The following UBE2L6 variants were observed in gnomAD, a reference collection of about 807,000 sequenced individuals.
UBE2L6 encodes ubiquitin conjugating enzyme E2 L6, also known as ubiquitin/ISG15-conjugating enzyme E2 L6.
UBE2L6 carries 11 observed loss-of-function variants against 13.6 expected under a neutral mutation model. That is an observed-to-expected ratio of 0.81 (90% confidence interval 0.51 to 1.34). UBE2L6 has a LOEUF of 1.34. Ranked by LOEUF, UBE2L6 falls within the 40% of genes most tolerant of loss-of-function variation. UBE2L6 has a pLI of 0.00. For synonymous variants in UBE2L6, 74 were observed against 83.2 expected, an observed-to-expected ratio of 0.89 and a Z score of 0.60; for missense variants, 197 against 199.5, an observed-to-expected ratio of 0.99 and a Z score of 0.07.
chr11:57,559,133 G>A (rs1015510326), intron 2 of UBE2L6, among the ~76,000 whole-genome samples: 25 of 152,076 alleles, frequency 1.6e-4, no homozygotes, highest in East Asian at 1.9e-4. Flanking sequence ...ATCTTCTCCC[G>A]GCACCTGAGG....
intron 2 of UBE2L6, among the ~76,000 whole-genome samples, chr11:57,559,629 A>G (rs918674652): frequency 1.3e-5 from 2 of 152,156 alleles, no homozygotes; most frequent in African/African-American, 4.8e-5. Flanking sequence ...AACAAGTCCA[A>G]ATCCTAAATG....
chr11:57,556,592 C>CAAAAAAAAA (rs368936864), intron 2 of UBE2L6, among the ~76,000 whole-genome samples: 3 of 73,718 alleles, frequency 4.1e-5, no homozygotes, highest in Non-Finnish European at 4.9e-5. Context: ...AACTCCGTCT[C>CAAAAAAAAA]AAAAAAAAAA....
chr11:57,556,614 A>AG (rs1944999655), intron 2 of UBE2L6, among the ~76,000 whole-genome samples: 1 of 145,796 alleles, frequency 6.9e-6, no homozygotes, highest in Non-Finnish European at 1.5e-5. Context: ...AAAAAAAAAA[A>AG]AGAGAGATGG....
At position 57,556,592 on chromosome 11, in the gene UBE2L6, CA is replaced by C. The variant is rs368936864; in HGVS notation, c.124-1970del. Among the ~76,000 whole-genome samples, 391 of 73,614 alleles carry C rather than the reference CA, an allele frequency of 5.3e-3. 1 individual carries two copies. The highest frequency in any genetic ancestry group is 0.021 in the African/African-American group (348 of 16,594). The allele number at this position is 73,614 out of a possible 152,430, so 48.3% of individuals were successfully genotyped here. On this transcript the variant is annotated intron_variant, in intron 2 of 3. Transcript: ENST00000287156. ...GGGCAACAAGAGCAAAACTCCGTCT[CA>C]AAAAAAAAAAAAAAAAAAAAAAGAG...
At chr11:57,556,809 G>A (rs568008474) in intron 2 of UBE2L6, among the ~76,000 whole-genome samples, 1 of 152,106 alleles carries the variant, frequency 6.6e-6, no homozygotes, top group African/African-American at 2.4e-5. Context: ...CAAGACCTAC[G>A]TGGCGGTGGC....
intron 2 of UBE2L6, among the ~76,000 whole-genome samples, chr11:57,555,247 C>A (rs1944988206): frequency 6.6e-6 from 1 of 152,146 alleles, no homozygotes. Flanking sequence ...AAGTGTCTAT[C>A]AATGGATCAA....
intron 1 of UBE2L6, among the ~76,000 whole-genome samples, chr11:57,565,368 T>TG (rs1445757743): frequency 3.8e-5 from 4 of 105,124 alleles, no homozygotes; most frequent in South Asian, 3.6e-4. Context: ...TTTTTTTTTT[T>TG]TTTTTTTTTT....
intron 1 of UBE2L6, 67 bp from the exon 2 acceptor site, chr11:57,560,499 C>T (rs1945032502): frequency 1.6e-6 from 2 of 1,259,348 alleles, no homozygotes; most frequent in African/African-American, 2.9e-5. Context: ...TCCCCCTGCC[C>T]CAGCAGCAAG....
intron 3 of UBE2L6, among the ~76,000 whole-genome samples, chr11:57,554,069 T>C (rs972931452): frequency 1.3e-5 from 2 of 152,118 alleles, no homozygotes; most frequent in South Asian, 4.1e-4. Flanking sequence ...GGTATTATCA[T>C]TATGAGGCCA....
chr11:57,564,256 G>A lies in UBE2L6; in HGVS notation c.27+3329C>T, dbSNP rs180983965. The stretch of plus-strand genomic sequence containing the variant: ...ATGGAGCTCCAATATGTCCAGCAGC[G>A]ACTTTTCAGTGGAAATCTTACAGGC... On this transcript the variant is annotated intron_variant, in intron 1 of 3. Coordinates refer to ENST00000287156, the MANE Select transcript of UBE2L6 (RefSeq NM_004223.5). Among the ~76,000 whole-genome samples the A allele has an allele frequency of 2.8e-3, 423 of 152,232 alleles. 6 individuals are homozygous for A. Among genetic ancestry groups the A allele is most frequent in the African/African-American group, 9.9e-3 (410 of 41,546 alleles).
At chr11:57,562,887 G>A (rs1432347975) in intron 1 of UBE2L6, among the ~76,000 whole-genome samples, 1 of 152,004 alleles carries the variant, frequency 6.6e-6, no homozygotes, top group Non-Finnish European at 1.5e-5. Flanking sequence ...GTACAAACAA[G>A]CCCAGACTAC....
intron 1 of UBE2L6, among the ~76,000 whole-genome samples, chr11:57,565,356 GTT>G (rs370848897): frequency 2.0e-5 from 2 of 98,234 alleles, no homozygotes; most frequent in Admixed American, 1.3e-4. Flanking sequence ...TGTATTAGTT[GTT>G]TTTTTTTTTT....
chr11:57,558,375 G>A (rs115335481), intron 2 of UBE2L6, among the ~76,000 whole-genome samples: 2,098 of 152,188 alleles, frequency 0.014, 62 homozygotes, highest in African/African-American at 0.047. Context: ...CACCGTGCCC[G>A]GCCTGCTACT....
Position 57,551,734 on chromosome 11 carries a change from T to C in UBE2L6, c.*624A>G, listed in dbSNP as rs954272083. ...TCCCCCTGGACTGAATGCTGGAGGA[T>C]ATATACTTCACAGTCTGAGGCCTGG... On this transcript the variant is annotated 3_prime_UTR_variant, in exon 4 of 4. Coordinates refer to ENST00000287156, the MANE Select transcript of UBE2L6 (RefSeq NM_004223.5). The C allele has an allele frequency of 1.3e-5, 2 of 152,586 alleles. No homozygotes were observed. Among genetic ancestry groups the C allele is most frequent in the Non-Finnish European group, 2.9e-5 (2 of 68,374 alleles). 9.5% of individuals were successfully genotyped at this position (152,586 alleles called of 1,614,324 possible).
intron 3 of UBE2L6, 62 bp from the exon 4 acceptor site, chr11:57,552,571 T>C (rs2234412): frequency 0.55 from 876,474 of 1,593,970 alleles, 243,635 homozygotes; most frequent in East Asian, 0.76. Flanking sequence ...TGGCTGCCCG[T>C]TCCCAATGTC....
intron 3 of UBE2L6, among the ~76,000 whole-genome samples, chr11:57,552,793 C>A (rs941641949): frequency 1.3e-5 from 2 of 152,182 alleles, no homozygotes; most frequent in Non-Finnish European, 2.9e-5. Context: ...GTCTTATCCC[C>A]ATTTCAACAA....
intron 2 of UBE2L6, among the ~76,000 whole-genome samples, chr11:57,556,552 C>T (rs1025338593): frequency 8.4e-5 from 11 of 131,676 alleles, no homozygotes; most frequent in Non-Finnish European, 3.1e-5. Flanking sequence ...AGATCACACC[C>T]TTGCACTCCA....
intron 2 of UBE2L6, among the ~76,000 whole-genome samples, chr11:57,559,269 G>C (rs1401344966): frequency 6.6e-6 from 1 of 152,104 alleles, no homozygotes; most frequent in African/African-American, 2.4e-5. Flanking sequence ...TGGACTATAG[G>C]TCAGTTTAAA....
At chr11:57,567,806 A>G (rs1945106211), upstream of UBE2L6, 1 of 549,248 alleles carries the variant, frequency 1.8e-6, no homozygotes, top group East Asian at 3.5e-5. Context: ...CCCGCCGGAC[A>G]ACCGCCCGAT....
Sources: allele counts gnomAD v4.1 joint callset (sites outside exome capture counted in the v4.1 genomes callset), GRCh38; gene constraint gnomAD v4.1.1; transcripts MANE v1.5; gene names NCBI Gene and HGNC (gene_info 2026-07-23, HGNC 2026-07-21).